Variants in AGBL4 observed in about 807,000 individuals in gnomAD.
AGBL4 encodes cytosolic carboxypeptidase 6.
Under a neutral mutation model 66.4 loss-of-function variants are expected in AGBL4, and 58 were observed. That is an observed-to-expected ratio of 0.87 (90% CI 0.71 to 1.09). The LOEUF (loss-of-function observed/expected upper bound fraction) is 1.09, where lower values mean the gene tolerates loss of function less well. Among genes scored for constraint, AGBL4 ranks in the 50% least tolerant of loss-of-function variants. The pLI is 0.00. For synonymous variants in AGBL4, 234 were observed against 222.9 expected (o/e 1.05, Z -0.44); for missense variants, 579 against 631.0 (o/e 0.92, Z 0.88).
At chr1:49,786,467 T>C (rs564742679) in intron 2 of AGBL4, among the ~76,000 whole-genome samples, 6 of 152,302 alleles carry the variant, frequency 3.9e-5, no homozygotes, top group South Asian at 4.1e-4. Context: ...CATTGTTTCA[T>C]TGAGAACACT....
chr1:49,059,849 A>G (rs1262960419), intron 4 of AGBL4, among the ~76,000 whole-genome samples: 1 of 152,020 alleles, frequency 6.6e-6, no homozygotes, highest in Non-Finnish European at 1.5e-5. Flanking sequence ...CTGTTGGTCA[A>G]TTTCTCCCAT....
intron 3 of AGBL4, among the ~76,000 whole-genome samples, chr1:49,309,013 T>C (rs997295906): frequency 5.3e-5 from 8 of 152,110 alleles, no homozygotes; most frequent in Non-Finnish European, 1.0e-4. Flanking sequence ...ACATACCTTA[T>C]TGACAGTTTG....
At chr1:49,067,613 C>G (rs927696583) in intron 4 of AGBL4, among the ~76,000 whole-genome samples, 5 of 152,132 alleles carry the variant, frequency 3.3e-5, no homozygotes, top group Admixed American at 1.3e-4. Context: ...TTCCTGACCA[C>G]TTAATTTAAA....
chr1:48,819,508 C>T (rs1008933627), intron 6 of AGBL4, among the ~76,000 whole-genome samples: 1 of 152,064 alleles, frequency 6.6e-6, no homozygotes, highest in Non-Finnish European at 1.5e-5. Context: ...GCAGCATGGA[C>T]TTGGGAATGG....
chr1:48,920,431 A>T (rs554669838), intron 5 of AGBL4, among the ~76,000 whole-genome samples: 3 of 152,312 alleles, frequency 2.0e-5, no homozygotes, highest in African/African-American at 7.2e-5. Flanking sequence ...CCTCAGGCAG[A>T]TTCTAGAGAT....
chr1:49,766,594 A>C (rs1008680563), intron 2 of AGBL4, among the ~76,000 whole-genome samples: 6 of 152,014 alleles, frequency 3.9e-5, no homozygotes, highest in African/African-American at 1.4e-4. Flanking sequence ...ACCTTGAATG[A>C]AAATGGTCTG....
chr1:49,772,278 T>G (rs978222302), intron 2 of AGBL4, among the ~76,000 whole-genome samples: 1 of 152,118 alleles, frequency 6.6e-6, no homozygotes, highest in African/African-American at 2.4e-5. Flanking sequence ...CCTCATACTA[T>G]TTGTATTTTG....
intron 5 of AGBL4, among the ~76,000 whole-genome samples, chr1:48,891,846 AC>A (rs1382088961): frequency 1.3e-5 from 2 of 152,100 alleles, no homozygotes; most frequent in Non-Finnish European, 2.9e-5. Flanking sequence ...CAGACACCCA[AC>A]CCTGAACTTT....
Position 49,745,002 on chromosome 1 carries a change from A to G in AGBL4, c.158-47565T>C, listed in dbSNP as rs560412685. 2.6e-5 allele frequency among the ~76,000 whole-genome samples: 4 copies of G among 152,216 alleles called. No individual in the cohort carries two copies. In the East Asian group the frequency reaches 7.7e-4, roughly 29 times the overall value. ...ATAGTAGTGAAGAAATAGAGAAACA[A>G]AAGACATAAGATATACAGAACACAA... On this transcript the variant is annotated intron_variant, in intron 2 of 13. Coordinates refer to ENST00000371839, the MANE Select transcript of AGBL4 (RefSeq NM_032785.4).
At chr1:48,797,982 G>T (rs2148738727) in intron 6 of AGBL4, among the ~76,000 whole-genome samples, 1 of 152,100 alleles carries the variant, frequency 6.6e-6, no homozygotes, top group East Asian at 1.9e-4. Context: ...TTTTTCTCTG[G>T]GTAAGATACC....
chr1:50,007,055 CA>C (rs964896633), intron 1 of AGBL4, among the ~76,000 whole-genome samples: 3 of 151,398 alleles, frequency 2.0e-5, no homozygotes, highest in South Asian at 2.1e-4. Flanking sequence ...TAAATAGAAA[CA>C]AAAAAAATTT....
chr1:49,795,434 G>T (rs1267651819), intron 2 of AGBL4, among the ~76,000 whole-genome samples: 1 of 151,902 alleles, frequency 6.6e-6, no homozygotes, highest in African/African-American at 2.4e-5. Context: ...CTAGCAAGCT[G>T]AATAAATGAG....
chr1:48,710,505 C>T (rs1399224175), intron 6 of AGBL4, among the ~76,000 whole-genome samples: 1 of 152,162 alleles, frequency 6.6e-6, no homozygotes, highest in African/African-American at 2.4e-5. Context: ...GATCACATGC[C>T]AGATACAAAG....
intron 3 of AGBL4, among the ~76,000 whole-genome samples, chr1:49,355,071 T>C (rs987797463): frequency 1.3e-5 from 2 of 152,086 alleles, no homozygotes; most frequent in African/African-American, 4.8e-5. Context: ...AGAAAAACCA[T>C]GCAGACACGG....
intron 3 of AGBL4, among the ~76,000 whole-genome samples, chr1:49,409,250 C>T (rs1430709851): frequency 6.6e-6 from 1 of 152,038 alleles, no homozygotes; most frequent in Non-Finnish European, 1.5e-5. Context: ...AACTTCTTAA[C>T]ACTACCACAC....
chr1:49,030,712 A>C (rs569829649), intron 5 of AGBL4, among the ~76,000 whole-genome samples: 19 of 151,866 alleles, frequency 1.3e-4, no homozygotes, highest in African/African-American at 4.3e-4. Context: ...TCAGTGGAAA[A>C]TGTCTCTTCC....
chr1:49,032,712 G>C (rs1664331434), intron 5 of AGBL4, among the ~76,000 whole-genome samples: 1 of 152,176 alleles, frequency 6.6e-6, no homozygotes, highest in Non-Finnish European at 1.5e-5. Flanking sequence ...AAGCTGTTGT[G>C]ATTTCCTGGG....
chr1:49,699,729 C>T (rs946946089), intron 2 of AGBL4, among the ~76,000 whole-genome samples: 2 of 151,476 alleles, frequency 1.3e-5, no homozygotes, highest in African/African-American at 4.8e-5. Flanking sequence ...ATGGTGGTTA[C>T]CAGGGGCAGA....
chr1:48,619,762 T>C (rs1645379704), intron 9 of AGBL4, among the ~76,000 whole-genome samples: 1 of 152,170 alleles, frequency 6.6e-6, no homozygotes, highest in Non-Finnish European at 1.5e-5. Flanking sequence ...AAAGCAAAGC[T>C]TTGCCCTTGA....
Sources: allele counts gnomAD v4.1 joint callset (sites outside exome capture counted in the v4.1 genomes callset), GRCh38; gene constraint gnomAD v4.1.1; transcripts MANE v1.5; gene names NCBI Gene and HGNC (gene_info 2026-07-23, HGNC 2026-07-21).